Variants in GOLPH3L observed in about 807,000 individuals in gnomAD.
The protein encoded by GOLPH3L is Golgi phosphoprotein 3-like.
In GOLPH3L, 22 loss-of-function variants were observed where a neutral mutation model predicts 30.3. The ratio of observed to expected loss-of-function variants is 0.73; its 90% confidence interval spans 0.52 to 1.04. GOLPH3L has a LOEUF of 1.04. Ranked by LOEUF, GOLPH3L falls within the 50% of genes least tolerant of loss-of-function variation. The pLI is 0.00. For missense variants in GOLPH3L, 303 were observed against 345.8 expected (o/e 0.88, Z 0.98); for synonymous variants, 120 against 128.2 (o/e 0.94, Z 0.43).
At chr1:150,692,965 C>T (rs1651246326) in intron 2 of GOLPH3L, among the ~76,000 whole-genome samples, 1 of 152,182 alleles carries the variant, frequency 6.6e-6, no homozygotes, top group South Asian at 2.1e-4. Context: ...GTGTAAACGT[C>T]TCAAAAGAGT....
At chr1:150,683,699 CAAAA>C (rs397981524) in intron 2 of GOLPH3L, among the ~76,000 whole-genome samples, 2 of 14,962 alleles carry the variant, frequency 1.3e-4, no homozygotes, top group Admixed American at 1.6e-3. Flanking sequence ...GACTCTCTCT[CAAAA>C]AAAAAAAAAA....
At chr1:150,653,614 C>T (rs1372139670) in intron 4 of GOLPH3L, among the ~76,000 whole-genome samples, 2 of 151,848 alleles carry the variant, frequency 1.3e-5, no homozygotes, top group Admixed American at 1.3e-4. Flanking sequence ...GCATGTACCA[C>T]CATGTTCAGC....
intron 4 of GOLPH3L, among the ~76,000 whole-genome samples, chr1:150,659,971 T>C (rs1008409094): frequency 6.6e-6 from 1 of 151,742 alleles, no homozygotes; most frequent in African/African-American, 2.4e-5. Flanking sequence ...GAGATAGAGG[T>C]TGCAGTGAGC....
At chr1:150,664,068 G>A (rs1650437655) in intron 2 of GOLPH3L, among the ~76,000 whole-genome samples, 1 of 151,746 alleles carries the variant, frequency 6.6e-6, no homozygotes, top group Admixed American at 6.6e-5. Context: ...GCATGATCAT[G>A]GCTCACTGCA....
chr1:150,653,714 C>A (rs985538008), intron 4 of GOLPH3L, among the ~76,000 whole-genome samples: 3 of 151,798 alleles, frequency 2.0e-5, no homozygotes, highest in African/African-American at 7.3e-5. Context: ...CCTGAGTGTC[C>A]CAAAGTACTG....
At chr1:150,651,642 C>CAAAAAAAAAAAAAAAAACA (rs1650107137) in intron 4 of GOLPH3L, among the ~76,000 whole-genome samples, 1 of 60,852 alleles carries the variant, frequency 1.6e-5, no homozygotes, top group African/African-American at 7.2e-5. Flanking sequence ...GAGCGAAACT[C>CAAAAAAAAAAAAAAAAACA]AAAAAAAAAA....
At chr1:150,651,045 G>A (rs190946887) in intron 4 of GOLPH3L, among the ~76,000 whole-genome samples, 32 of 152,330 alleles carry the variant, frequency 2.1e-4, no homozygotes, top group Admixed American at 1.2e-3. Context: ...GACCAGGTGC[G>A]GTGGCTCACG....
intron 2 of GOLPH3L, among the ~76,000 whole-genome samples, chr1:150,670,335 C>T (rs898633849): frequency 4.0e-5 from 6 of 151,666 alleles, no homozygotes; most frequent in Non-Finnish European, 7.4e-5. Flanking sequence ...TGGTGGCTCA[C>T]GCCTGTAATC....
chr1:150,665,001 A>G (rs1024440825), intron 2 of GOLPH3L, among the ~76,000 whole-genome samples: 4 of 152,186 alleles, frequency 2.6e-5, no homozygotes, highest in East Asian at 1.9e-4. Flanking sequence ...GAATATACGT[A>G]TAAGAGAGCC....
At chr1:150,683,698 T>A (rs1651015360) in intron 2 of GOLPH3L, among the ~76,000 whole-genome samples, 1 of 11,002 alleles carries the variant, frequency 9.1e-5, no homozygotes, top group East Asian at 3.4e-3. Context: ...AGACTCTCTC[T>A]CAAAAAAAAA....
At chr1:150,654,965 A>G (rs1388557504) in intron 4 of GOLPH3L, among the ~76,000 whole-genome samples, 2 of 152,198 alleles carry the variant, frequency 1.3e-5, no homozygotes, top group African/African-American at 4.8e-5. Context: ...AAATTGTTAT[A>G]TCTACTTCTG....
At chr1:150,679,741 A>C (rs1193080380) in intron 2 of GOLPH3L, among the ~76,000 whole-genome samples, 3 of 152,204 alleles carry the variant, frequency 2.0e-5, no homozygotes, top group Admixed American at 2.0e-4. Flanking sequence ...TGGAGCCTGC[A>C]GTGAGGCATG....
At chr1:150,656,449 C>T (rs1048881760) in intron 4 of GOLPH3L, among the ~76,000 whole-genome samples, 2 of 152,102 alleles carry the variant, frequency 1.3e-5, no homozygotes, top group Non-Finnish European at 2.9e-5. Flanking sequence ...CACTAGCCCT[C>T]GGCAATTAAC....
At chr1:150,657,555 C>T (rs1318494862) in intron 4 of GOLPH3L, among the ~76,000 whole-genome samples, 1 of 152,208 alleles carries the variant, frequency 6.6e-6, no homozygotes, top group African/African-American at 2.4e-5. Context: ...CACCTTTTCT[C>T]ACTTTGTCTG....
chr1:150,663,879 C>G, intron 2 of GOLPH3L, 116 bp from the exon 3 acceptor site: 2 of 739,986 alleles, frequency 2.7e-6, no homozygotes, highest in Admixed American at 2.3e-5. Flanking sequence ...ACTACATGAA[C>G]TCAAAGTATA....
At chr1:150,691,899 A>G (rs1651223138) in intron 2 of GOLPH3L, among the ~76,000 whole-genome samples, 1 of 150,246 alleles carries the variant, frequency 6.7e-6, no homozygotes, top group African/African-American at 2.5e-5. Context: ...AAACAAATGG[A>G]TGACTCTTTT....
intron 2 of GOLPH3L, among the ~76,000 whole-genome samples, chr1:150,682,787 AAG>A (rs1211791749): frequency 2.6e-5 from 4 of 152,264 alleles, no homozygotes; most frequent in South Asian, 2.1e-4. Context: ...ACAAATAAAA[AAG>A]AGAATACAGT....
intron 2 of GOLPH3L, among the ~76,000 whole-genome samples, chr1:150,684,134 G>T (rs1651030711): frequency 6.6e-6 from 1 of 152,168 alleles, no homozygotes; most frequent in Non-Finnish European, 1.5e-5. Context: ...CAGGAAGTCT[G>T]CAGGGCAAGG....
chr1:150,696,780 C>T (rs1557792546), intron 1 of GOLPH3L, among the ~76,000 whole-genome samples: 1 of 12,608 alleles, frequency 7.9e-5, no homozygotes, highest in African/African-American at 3.1e-4. Flanking sequence ...TTTAAACCTT[C>T]GCGGGGCAGG....
Sources: gnomAD v4.1 joint callset for allele counts (sites outside exome capture counted in the v4.1 genomes callset) on GRCh38, gnomAD v4.1.1 for gene constraint, MANE v1.5 for transcripts, NCBI Gene and HGNC (gene_info 2026-07-23, HGNC 2026-07-21) for gene names.